The following MAP4K4 variants were observed in gnomAD, a reference collection of about 807,000 sequenced individuals.
MAP4K4 encodes the protein HPK/GCK-like kinase HGK.
Under a neutral mutation model 189.6 loss-of-function variants are expected in MAP4K4, and 38 were observed. The ratio of observed to expected loss-of-function variants is 0.20; its 90% CI spans 0.15 to 0.26. The LOEUF is 0.26. MAP4K4 is among the 10% of genes least tolerant of loss of function. The pLI is 1.00. For missense variants in MAP4K4, 1,054 were observed against 1,726.9 expected (o/e 0.61, Z 6.91); for synonymous variants, 610 against 624.3 (o/e 0.98, Z 0.34).
At chr2:101,823,842 C>A in intron 3 of MAP4K4, 86 bp from the exon 4 acceptor site, 3 of 1,166,570 alleles carry the variant, frequency 2.6e-6, no homozygotes, top group Admixed American at 2.7e-5. Flanking sequence ...AACTTGTGTT[C>A]CTTTCATTAT....
intron 3 of MAP4K4, among the ~76,000 whole-genome samples, chr2:101,822,329 A>G (rs1191135328): frequency 1.3e-5 from 2 of 152,178 alleles, no homozygotes; most frequent in Non-Finnish European, 1.5e-5. Context: ...TTATAATTTT[A>G]TGGGTTCACT....
intron 3 of MAP4K4, among the ~76,000 whole-genome samples, chr2:101,807,193 G>A (rs560527016): frequency 1.3e-5 from 2 of 152,120 alleles, no homozygotes; most frequent in African/African-American, 4.8e-5. Flanking sequence ...TGGGGTTATA[G>A]GTGTGTGCCA....
intron 2 of MAP4K4, among the ~76,000 whole-genome samples, chr2:101,767,624 T>G (rs1263447118): frequency 2.0e-5 from 3 of 152,214 alleles, no homozygotes; most frequent in African/African-American, 7.2e-5. Flanking sequence ...TGAACCAATG[T>G]CTCACCTTTA....
intron 2 of MAP4K4, among the ~76,000 whole-genome samples, chr2:101,725,387 C>CAAAAAAAAAAAAAAACAAA (rs547130880): frequency 1.8e-5 from 2 of 110,936 alleles, no homozygotes; most frequent in African/African-American, 3.3e-5. Context: ...AAAAGATAAG[C>CAAAAAAAAAAAAAAACAAA]AAAAAAAAAA....
At chr2:101,766,718 G>GT (rs1240947774) in intron 2 of MAP4K4, among the ~76,000 whole-genome samples, 1 of 149,656 alleles carries the variant, frequency 6.7e-6, no homozygotes, top group Non-Finnish European at 1.5e-5. Context: ...TTCCCTTTAT[G>GT]TTTCCTGTTC....
At chr2:101,840,453 A>T (rs748969427) in intron 10 of MAP4K4, among the ~76,000 whole-genome samples, 3 of 152,154 alleles carry the variant, frequency 2.0e-5, no homozygotes, top group Admixed American at 1.3e-4. Context: ...GCATAGTCAG[A>T]TGACTTTGCT....
intron 7 of MAP4K4, among the ~76,000 whole-genome samples, chr2:101,832,731 T>G (rs572724724): frequency 6.6e-6 from 1 of 152,226 alleles, no homozygotes; most frequent in Admixed American, 6.5e-5. Flanking sequence ...CTGACTGGTA[T>G]GCAGAACAAG....
At chr2:101,786,824 G>A (rs932411978) in intron 2 of MAP4K4, among the ~76,000 whole-genome samples, 8 of 152,106 alleles carry the variant, frequency 5.3e-5, no homozygotes, top group Non-Finnish European at 8.8e-5. Context: ...TTTTAGGATC[G>A]GTTGAGAAAA....
chr2:101,699,161 T>C (rs1400999669), intron 2 of MAP4K4, among the ~76,000 whole-genome samples: 1 of 152,180 alleles, frequency 6.6e-6, no homozygotes, highest in South Asian at 2.1e-4. Context: ...ATAACCTGTT[T>C]GACAGCTGTG....
intron 27 of MAP4K4, among the ~76,000 whole-genome samples, chr2:101,880,683 A>AT (rs1455330671): frequency 6.6e-6 from 1 of 151,596 alleles, no homozygotes; most frequent in Non-Finnish European, 1.5e-5. Flanking sequence ...TGATTTTTCT[A>AT]TTTTTAGTGG....
At chr2:101,875,074 G>C (rs1471216322) in intron 26 of MAP4K4, among the ~76,000 whole-genome samples, 1 of 152,136 alleles carries the variant, frequency 6.6e-6, no homozygotes, top group African/African-American at 2.4e-5. Context: ...AGATTGACCA[G>C]GAAAATATCA....
chr2:101,872,188 G>T (rs1287217724), intron 24 of MAP4K4, among the ~76,000 whole-genome samples: 2 of 151,364 alleles, frequency 1.3e-5, no homozygotes, highest in Admixed American at 6.6e-5. Context: ...TGGGGGGTGG[G>T]TTGTTGGCTG....
chr2:101,838,649 T>C (rs908801573), intron 9 of MAP4K4, among the ~76,000 whole-genome samples: 2 of 152,240 alleles, frequency 1.3e-5, no homozygotes, highest in Admixed American at 1.3e-4. Flanking sequence ...TCCGCTGTTG[T>C]GTATACCTAA....
exon 33 of MAP4K4, chr2:101,891,377 T>C: frequency 1.4e-6 from 1 of 708,826 alleles, no homozygotes; most frequent in Non-Finnish European, 2.5e-6. Flanking sequence ...AGACCTCATG[T>C]GTTGGGTTCT....
chr2:101,859,576 C>A, intron 14 of MAP4K4, 67 bp from the exon 15 acceptor site: 2 of 1,235,972 alleles, frequency 1.6e-6, no homozygotes, highest in Non-Finnish European at 1.1e-6. Flanking sequence ...AAAAGCCGAA[C>A]AAATCCAGAG....
At chr2:101,778,406 C>T (rs116101946) in intron 2 of MAP4K4, among the ~76,000 whole-genome samples, 2,038 of 152,130 alleles carry the variant, frequency 0.013, 22 homozygotes, top group South Asian at 0.024. Context: ...ATTTCCTTTA[C>T]ACTGATAGCC....
intron 2 of MAP4K4, among the ~76,000 whole-genome samples, chr2:101,747,749 C>G (rs1043235819): frequency 6.6e-6 from 1 of 152,088 alleles, no homozygotes; most frequent in Non-Finnish European, 1.5e-5. Flanking sequence ...AAAAATTAAC[C>G]AGCAAACAAA....
At chr2:101,840,461 G>A (rs1377837168) in intron 10 of MAP4K4, among the ~76,000 whole-genome samples, 1 of 152,164 alleles carries the variant, frequency 6.6e-6, no homozygotes, top group Non-Finnish European at 1.5e-5. Flanking sequence ...AGATGACTTT[G>A]CTTTAAGTAG....
intron 12 of MAP4K4, among the ~76,000 whole-genome samples, chr2:101,846,992 A>G (rs1411267251): frequency 6.6e-6 from 1 of 152,184 alleles, no homozygotes; most frequent in Non-Finnish European, 1.5e-5. Flanking sequence ...GTGGCCTACT[A>G]TTTGCATATA....
Sources: allele counts gnomAD v4.1 joint callset (sites outside exome capture counted in the v4.1 genomes callset), GRCh38; gene constraint gnomAD v4.1.1; transcripts MANE v1.5; gene names NCBI Gene and HGNC (gene_info 2026-07-23, HGNC 2026-07-21).